The following ADAMTS6 variants were observed in gnomAD, a reference collection of about 807,000 sequenced individuals.
ADAMTS6 encodes ADAM metallopeptidase with thrombospondin type 1 motif 6, also known as A disintegrin and metalloproteinase with thrombospondin motifs 6.
ADAMTS6 carries 23 observed loss-of-function variants against 144.3 expected under a neutral mutation model. The observed-to-expected ratio is 0.16, with a 90% CI of 0.11 to 0.23. The LOEUF is 0.23. Among genes scored for constraint, ADAMTS6 ranks in the 10% least tolerant of loss-of-function variants. The pLI, the probability that ADAMTS6 is intolerant of heterozygous loss-of-function variation, is 1.00. For missense variants in ADAMTS6, 999 were observed against 1,379.6 expected, an observed-to-expected ratio of 0.72 and a Z score of 4.37; for synonymous variants, 444 against 457.5, an observed-to-expected ratio of 0.97 and a Z score of 0.38.
At position 65,244,166 on chromosome 5, in the gene ADAMTS6, G is replaced by A. The variant is rs1438189833; in HGVS notation, c.1831-1960C>T. On this transcript the variant is annotated intron_variant, in intron 14 of 24. Coordinates refer to ENST00000381055, the MANE Select transcript of ADAMTS6 (RefSeq NM_197941.4). ...AGAAAGAAAAAGGACTCGTCAGGGA[G>A]TGGGAGACTATTAAGAATGAAGCCA... 2.6e-5 allele frequency among the ~76,000 whole-genome samples: 4 copies of A among 152,070 alleles called. No homozygotes were observed. In the East Asian group the frequency reaches 7.7e-4, roughly 29 times the overall value.
chr5:65,289,981 C>A (rs1364898949), intron 11 of ADAMTS6, among the ~76,000 whole-genome samples: 5 of 152,036 alleles, frequency 3.3e-5, no homozygotes, highest in Admixed American at 2.6e-4. Flanking sequence ...GAAACTAGAA[C>A]CATACAAAAT....
chr5:65,406,054 G>A (rs1242712222), intron 7 of ADAMTS6, among the ~76,000 whole-genome samples: 10 of 152,204 alleles, frequency 6.6e-5, no homozygotes, highest in South Asian at 4.2e-4. Flanking sequence ...GGGCTGAGAC[G>A]ATGGGGTTTT....
intron 7 of ADAMTS6, among the ~76,000 whole-genome samples, chr5:65,363,198 TACTC>T (rs1749987480): frequency 6.6e-6 from 1 of 152,192 alleles, no homozygotes; most frequent in Non-Finnish European, 1.5e-5. Context: ...AAATAGCTAA[TACTC>T]AACCTTTTGG....
At chr5:65,156,318 G>A (rs896367981) in intron 24 of ADAMTS6, among the ~76,000 whole-genome samples, 2 of 147,722 alleles carry the variant, frequency 1.4e-5, no homozygotes, top group African/African-American at 2.5e-5. Context: ...ACAAAAAAAC[G>A]AAAACAAAAC....
At chr5:65,424,967 T>C (rs1756383673) in intron 7 of ADAMTS6, among the ~76,000 whole-genome samples, 1 of 152,102 alleles carries the variant, frequency 6.6e-6, no homozygotes, top group African/African-American at 2.4e-5. Context: ...ACTCTCCTTC[T>C]CCTAGTGATA....
At chr5:65,282,038 T>C (rs1374518213) in intron 11 of ADAMTS6, among the ~76,000 whole-genome samples, 4 of 152,162 alleles carry the variant, frequency 2.6e-5, no homozygotes, top group African/African-American at 9.7e-5. Flanking sequence ...AAAATCATTT[T>C]ACAATTATTA....
chr5:65,375,071 A>C (rs896043355), intron 7 of ADAMTS6, among the ~76,000 whole-genome samples: 1 of 152,226 alleles, frequency 6.6e-6, no homozygotes, highest in African/African-American at 2.4e-5. Flanking sequence ...AGAAAGCTGA[A>C]ACTGGATCCC....
intron 7 of ADAMTS6, among the ~76,000 whole-genome samples, chr5:65,418,244 G>A (rs968391944): frequency 6.6e-6 from 1 of 152,094 alleles, no homozygotes; most frequent in South Asian, 2.1e-4. Context: ...TTAAATGTAA[G>A]ACCTCAAATT....
intron 7 of ADAMTS6, among the ~76,000 whole-genome samples, chr5:65,379,953 T>A (rs112295951): frequency 2.0e-5 from 3 of 152,120 alleles, no homozygotes; most frequent in African/African-American, 4.8e-5. Context: ...CTAATAGATA[T>A]ACATTATACT....
chr5:65,265,993 T>A (rs1392068958), intron 12 of ADAMTS6, among the ~76,000 whole-genome samples: 4 of 148,418 alleles, frequency 2.7e-5, no homozygotes, highest in Non-Finnish European at 4.5e-5. Flanking sequence ...AATACTAGAG[T>A]TTTTTTTTTA....
chr5:65,244,823 G>A (rs1759491545), intron 14 of ADAMTS6, among the ~76,000 whole-genome samples: 2 of 152,034 alleles, frequency 1.3e-5, no homozygotes, highest in African/African-American at 4.8e-5. Flanking sequence ...AGCATTACAG[G>A]TTTTAGCTTC....
intron 20 of ADAMTS6, among the ~76,000 whole-genome samples, chr5:65,208,335 A>G (rs1756260606): frequency 6.6e-6 from 1 of 152,056 alleles, no homozygotes; most frequent in African/African-American, 2.4e-5. Flanking sequence ...ATTAAAGAAG[A>G]CTCTCTGGGG....
intron 4 of ADAMTS6, among the ~76,000 whole-genome samples, chr5:65,455,605 A>G (rs1759127806): frequency 6.6e-6 from 1 of 151,980 alleles, no homozygotes; most frequent in Non-Finnish European, 1.5e-5. Context: ...TGTCCAGTAA[A>G]ATATTTCAAA....
intron 9 of ADAMTS6, among the ~76,000 whole-genome samples, chr5:65,323,591 T>C (rs1480408326): frequency 6.6e-6 from 1 of 152,094 alleles, no homozygotes; most frequent in South Asian, 2.1e-4. Context: ...TGTGCATGTG[T>C]CTTTATAGCA....
intron 12 of ADAMTS6, among the ~76,000 whole-genome samples, chr5:65,271,945 CT>C (rs1762090123): frequency 1.3e-5 from 2 of 151,928 alleles, no homozygotes; most frequent in East Asian, 3.9e-4. Flanking sequence ...CTTACAATAT[CT>C]TAAAAAAAAA....
At position 65,253,245 on chromosome 5, in the gene ADAMTS6, C is replaced by G. The variant is rs569161555; in HGVS notation, c.1830+7355G>C. On this transcript the variant is annotated intron_variant, in intron 14 of 24. Transcript: ENST00000381055. ...CTTTGAGCATACATTAGAAAACACA[C>G]AGCAAGTCTCAAAGATTCATGGCAA... 3.3e-5 allele frequency among the ~76,000 whole-genome samples: 5 copies of G among 152,310 alleles called. No individual in the cohort carries two copies. In the East Asian group the frequency reaches 9.6e-4, roughly 29 times the overall value.
At chr5:65,435,249 T>C (rs1031121565) in intron 7 of ADAMTS6, among the ~76,000 whole-genome samples, 4 of 152,168 alleles carry the variant, frequency 2.6e-5, no homozygotes, top group Non-Finnish European at 5.9e-5. Flanking sequence ...AGCAAAAGAA[T>C]ACAAACGTGG....
chr5:65,403,326 C>T (rs1397000938), intron 7 of ADAMTS6, among the ~76,000 whole-genome samples: 1 of 152,100 alleles, frequency 6.6e-6, no homozygotes, highest in East Asian at 1.9e-4. Context: ...CCTGTATGAT[C>T]TCATCTAGTC....
chr5:65,383,762 C>T (rs758384228), intron 7 of ADAMTS6, among the ~76,000 whole-genome samples: 16 of 152,152 alleles, frequency 1.1e-4, no homozygotes, highest in Non-Finnish European at 1.5e-4. Context: ...CAAAGCTCCA[C>T]TAGGCATTGC....
Sources: gnomAD v4.1 joint callset for allele counts (sites outside exome capture counted in the v4.1 genomes callset) on GRCh38, gnomAD v4.1.1 for gene constraint, MANE v1.5 for transcripts, NCBI Gene and HGNC (gene_info 2026-07-23, HGNC 2026-07-21) for gene names.